The following ZFHX3 variants were observed in gnomAD, a reference collection of about 807,000 sequenced individuals.
ZFHX3 encodes the protein zinc finger homeobox 3.
ZFHX3 carries 42 observed loss-of-function variants against 279.1 expected under a neutral mutation model. That is an observed-to-expected ratio of 0.15 (90% CI 0.12 to 0.19). The LOEUF is 0.19. ZFHX3 is among the 10% of genes least tolerant of loss of function. The pLI is 1.00. For synonymous variants in ZFHX3, 2,293 were observed against 1,957.8 expected (o/e 1.17, Z -4.52); for missense variants, 4,981 against 4,754.0 (o/e 1.05, Z -1.40).
intron 4 of ZFHX3, among the ~76,000 whole-genome samples, chr16:72,879,656 G>A (rs1281446901): frequency 6.6e-6 from 1 of 152,112 alleles, no homozygotes; most frequent in African/African-American, 2.4e-5. Context: ...CAATACCTGA[G>A]CTCTAGTGAT....
intron 5 of ZFHX3, among the ~76,000 whole-genome samples, chr16:73,234,443 G>T (rs2012880571): frequency 6.6e-6 from 1 of 152,034 alleles, no homozygotes; most frequent in Non-Finnish European, 1.5e-5. Flanking sequence ...ATTTTTTGAT[G>T]AAAGACTGGA....
chr16:73,756,769 G>T (rs950064450), intron 1 of ZFHX3, among the ~76,000 whole-genome samples: 1 of 132,280 alleles, frequency 7.6e-6, no homozygotes, highest in Non-Finnish European at 1.6e-5. Context: ...CTCCCCCCAG[G>T]GCATTTTGCT....
At chr16:72,847,689 ACCCAACAGGGACAC>A in intron 4 of ZFHX3, among the ~76,000 whole-genome samples, 1 of 151,988 alleles carries the variant, frequency 6.6e-6, no homozygotes, top group East Asian at 2.0e-4. Flanking sequence ...CTTGCTGGGG[ACCCAACAGGGACAC>A]CCCAAAAGGC....
At chr16:73,432,961 T>G (rs1284472218) in intron 3 of ZFHX3, among the ~76,000 whole-genome samples, 1 of 152,162 alleles carries the variant, frequency 6.6e-6, no homozygotes, top group Non-Finnish European at 1.5e-5. Flanking sequence ...ATTGAGATAA[T>G]CACTCTACTA....
chr16:73,784,816 TAC>T (rs58711157), intron 1 of ZFHX3, among the ~76,000 whole-genome samples: 1,977 of 135,340 alleles, frequency 0.015, 76 homozygotes, highest in African/African-American at 0.053. Context: ...TATATATATA[TAC>T]ACACACACAC....
chr16:73,501,756 C>G lies in ZFHX3; in HGVS notation c.-1546-45498G>C, dbSNP rs534184016. Among the ~76,000 whole-genome samples the G allele has an allele frequency of 3.4e-4, 52 of 152,054 alleles. 2 individuals carry two copies. In the South Asian group the frequency reaches 9.8e-3, roughly 29 times the overall value. On this transcript the variant is annotated intron_variant, in intron 2 of 17. Coordinates refer to the ZFHX3 transcript ENST00000641206. ...AATTAATTATAAAAATTAAAAGAACCCTGAAAGAAAAGCTGCTGTGTGGAG... is the reference window on the plus strand; with the variant it reads ...AATTAATTATAAAAATTAAAAGAACGCTGAAAGAAAAGCTGCTGTGTGGAG...
chr16:72,820,357 G>T (rs2036753475), intron 5 of ZFHX3, among the ~76,000 whole-genome samples: 1 of 152,188 alleles, frequency 6.6e-6, no homozygotes, highest in Admixed American at 6.5e-5. Flanking sequence ...ACACTGATTT[G>T]AGTTCCCAAA....
At chr16:73,604,782 G>C (rs935853638) in intron 2 of ZFHX3, among the ~76,000 whole-genome samples, 1 of 151,802 alleles carries the variant, frequency 6.6e-6, no homozygotes, top group East Asian at 1.9e-4. Flanking sequence ...AGGAGTTGCT[G>C]GTTGTTCTGT....
Position 73,517,361 on chromosome 16 carries a change from A to T in ZFHX3, c.-1546-61103T>A, listed in dbSNP as rs573460654. On this transcript the variant is annotated intron_variant, in intron 2 of 17. Transcript: ENST00000641206. ...AACAGACTTGGCCATTTCTACCTTC[A>T]TATTTTTCTCCATATCCATCTACAA... Among the ~76,000 whole-genome samples the T allele has an allele frequency of 1.2e-4, 18 of 152,302 alleles. No homozygotes were observed. The South Asian group carries it at 3.7e-3, about 32-fold the overall frequency.
chr16:73,141,014 A>G (rs1289930523), intron 6 of ZFHX3, among the ~76,000 whole-genome samples: 2 of 152,216 alleles, frequency 1.3e-5, no homozygotes, highest in African/African-American at 4.8e-5. Flanking sequence ...ACCCCACCCC[A>G]TAGCATAATC....
chr16:73,453,021 TACCTACCTACAA>T, intron 3 of ZFHX3, among the ~76,000 whole-genome samples: 1 of 152,174 alleles, frequency 6.6e-6, no homozygotes, highest in Non-Finnish European at 1.5e-5. Context: ...TCTGTCTACT[TACCTACCTACAA>T]ACCCACCCAC....
At position 72,793,886 on chromosome 16, in the gene ZFHX3, T is replaced by C; in HGVS notation, c.8796A>G (p.Gly2932=). The C allele has an allele frequency of 6.2e-7, 1 of 1,614,198 alleles. No individual in the cohort carries two copies. Among genetic ancestry groups the C allele is most frequent in the Non-Finnish European group, 8.5e-7 (1 of 1,180,030 alleles). The change falls in exon 9 of 10, where the codon GGA becomes GGG. Residue 2932 remains glycine (G), a synonymous_variant. Coordinates refer to ENST00000268489, the MANE Select transcript of ZFHX3 (RefSeq NM_006885.4). The surrounding 1 kb of genome is among the most constrained non-coding windows in gnomAD (Gnocchi z 4.3). ...DPCSPSPGAS[G]SAGKSGDSGD... The stretch of plus-strand genomic sequence containing the variant: ...CGCTGTCACCAGATTTGCCTGCAGA[T>C]CCACTCGCACCAGGACTCGGGGAGC...
chr16:73,755,645 C>CCT (rs2053801619), intron 1 of ZFHX3, among the ~76,000 whole-genome samples: 2 of 152,130 alleles, frequency 1.3e-5, no homozygotes, highest in African/African-American at 2.4e-5. Flanking sequence ...GGGAATTGTC[C>CCT]TGACAGCTCA....
In ZFHX3 at chr16:73,866,181, T is replaced by C. The variant is rs1210298187; in HGVS notation, c.-1608+25470A>G. Among the ~76,000 whole-genome samples, 3 of 137,676 alleles carry C rather than the reference T, an allele frequency of 2.2e-5. No individual in the cohort carries two copies. The Admixed American group carries it at 2.2e-4, about 10-fold the overall frequency. 90.3% of individuals were successfully genotyped at this position (137,676 alleles called of 152,430 possible). ...CTATGCCAGGCTAATTTTTTTTTTT[T>C]TTTTTTTTTTTTTTTTGAGACAGAG... On this transcript the variant is annotated intron_variant, in intron 1 of 17. Coordinates refer to the ZFHX3 transcript ENST00000641206.
chr16:73,700,829 T>C (rs2053239407), intron 1 of ZFHX3, among the ~76,000 whole-genome samples: 2 of 152,214 alleles, frequency 1.3e-5, no homozygotes, highest in African/African-American at 4.8e-5. Context: ...CAAGATGTAC[T>C]TTTATTTTTT....
rs571727836 is a variant in ZFHX3, at chr16:72,835,163, G to A, written c.3449-5304C>T. 9.5e-4 allele frequency among the ~76,000 whole-genome samples: 144 copies of A among 152,304 alleles called. 3 individuals are homozygous for A. In the South Asian group the frequency reaches 0.029, roughly 31 times the overall value. ...TTTCTTTGGAGGGTGGGATGTTTGAGGGTGGGGGTGAAATAAAGTGCGTTT... is the reference window on the plus strand; with the variant it reads ...TTTCTTTGGAGGGTGGGATGTTTGAAGGTGGGGGTGAAATAAAGTGCGTTT... On this transcript the variant is annotated intron_variant, in intron 4 of 9. Coordinates refer to ENST00000268489, the MANE Select transcript of ZFHX3 (RefSeq NM_006885.4).
intron 3 of ZFHX3, among the ~76,000 whole-genome samples, chr16:73,365,216 T>G (rs1037064091): frequency 1.3e-5 from 2 of 152,262 alleles, no homozygotes; most frequent in African/African-American, 2.4e-5. Context: ...AGACAGCTGC[T>G]GCCTGGCTGC....
At chr16:73,755,165 C>T (rs543014992) in intron 1 of ZFHX3, among the ~76,000 whole-genome samples, 4 of 152,124 alleles carry the variant, frequency 2.6e-5, no homozygotes, top group Admixed American at 6.5e-5. Context: ...ACCACTCATC[C>T]GTACTCCCTG....
chr16:72,967,674 T>C (rs567906403), intron 1 of ZFHX3, among the ~76,000 whole-genome samples: 1 of 149,804 alleles, frequency 6.7e-6, no homozygotes, highest in South Asian at 2.1e-4. Flanking sequence ...CCCAGCACTT[T>C]GGGAGGCCGA....
Sources: allele counts gnomAD v4.1 joint callset (sites outside exome capture counted in the v4.1 genomes callset), GRCh38; gene constraint gnomAD v4.1.1; non-coding constraint Gnocchi (gnomAD v3.1); transcripts MANE v1.5; gene names NCBI Gene and HGNC (gene_info 2026-07-23, HGNC 2026-07-21).